Variants in MOB3C observed in about 807,000 individuals in gnomAD.
The protein encoded by MOB3C is MOB kinase activator 3C.
In MOB3C, 17 loss-of-function variants were observed where a neutral mutation model predicts 19.8. The ratio of observed to expected loss-of-function variants is 0.86; its 90% CI spans 0.59 to 1.29. The LOEUF is 1.29. Among genes scored for constraint, MOB3C ranks in the 50% most tolerant of loss-of-function variants. The probability of loss-of-function intolerance (pLI) is 0.00; values close to 1 mark genes in which losing one functional copy is unlikely to be tolerated. For synonymous variants in MOB3C, 101 were observed against 119.2 expected, an observed-to-expected ratio of 0.85 and a Z score of 0.99; for missense variants, 291 against 301.9, an observed-to-expected ratio of 0.96 and a Z score of 0.27.
rs766409369 is a variant in MOB3C at position 46,613,039 on chromosome 1, G to T, written c.283C>A (p.Arg95Ser). The change falls in exon 2 of 4, where the codon CGC becomes AGC. Residue 95 changes from arginine (R) to serine (S), a missense_variant. Transcript: ENST00000319928. ...TCGTCCTGCCAGCGGTACTCGTAGC[G>T]GGGCCCGCCGGCCATGACCGGGCAG... ...TSCPVMAGGPRYEYRWQDERQ... is the reference protein window; with the variant it reads ...TSCPVMAGGPSYEYRWQDERQ... 6.8e-6 allele frequency: 11 copies of T among 1,613,916 alleles called. No homozygotes were observed. Among genetic ancestry groups the T allele is most frequent in the African/African-American group, 4.0e-5 (3 of 74,956 alleles).
Position 46,610,145 on chromosome 1 carries a change from G to C in MOB3C, c.478C>G (p.Arg160Gly). The C allele has an allele frequency of 6.2e-7, 1 of 1,614,154 alleles. No homozygotes were observed. The highest frequency in any genetic ancestry group is 8.5e-7 in the Non-Finnish European group (1 of 1,180,034). Residue 160 changes from arginine to glycine, a missense_variant, in exon 3 of 4, where the codon CGA (arginine) becomes GGA (glycine). Transcript: ENST00000319928. Reference protein sequence around the residue: ...VCTKILTRLFRVFVHVYIHHF... With the variant: ...VCTKILTRLFGVFVHVYIHHF... ...TGGATGTAGACATGGACAAAGACTC[G>C]GAAGAGGCGGGTCAGGATCTTGGTG...
rs745644252 is a variant in MOB3C, at chr1:46,613,278, A to G, written c.44T>C (p.Phe15Ser). ...CGGCTCAAAGCGCTTCCGCGGCCGG[A>G]ACGTCTTGTCCTTGGCGAACACCTG... is the stretch of plus-strand genomic sequence containing the variant. The part of the protein sequence containing the change: ...LKQVFAKDKT[F>S]RPRKRFEPGT... Residue 15 changes from phenylalanine to serine, a missense_variant, in exon 2 of 4, where the codon TTC becomes TCC. By Grantham distance (155) the Phe-to-Ser change is radical. Transcript: ENST00000319928. 5.0e-6 allele frequency: 8 copies of G among 1,611,568 alleles called. No individual in the cohort carries two copies. In the South Asian group the frequency reaches 8.8e-5, roughly 18 times the overall value.
rs771605084 is a variant in MOB3C at position 46,613,087 on chromosome 1, C to G, written c.235G>C (p.Ala79Pro). 13 of 1,614,104 alleles carry G rather than the reference C, an allele frequency of 8.1e-6. No homozygotes were observed. Among genetic ancestry groups the G allele is most frequent in the Non-Finnish European group, 5.9e-6 (7 of 1,180,038 alleles). Residue 79 changes from alanine to proline, a missense_variant, in exon 2 of 4, where the codon GCG becomes CCG. Transcript: ENST00000319928. ...CAGCTGGTCTCACTGCAGCGCTCCGCCATAGTGCCGTAGATGAGGTTGATG... is the reference window on the plus strand; with the variant it reads ...CAGCTGGTCTCACTGCAGCGCTCCGGCATAGTGCCGTAGATGAGGTTGATG... ...NRINLIYGTM[A>P]ERCSETSCPV...
intron 1 of MOB3C, chr1:46,614,531 A>C (rs549335196): frequency 5.8e-6 from 1 of 172,686 alleles, no homozygotes; most frequent in African/African-American, 2.4e-5. Flanking sequence ...CTGCCCCTAG[A>C]CTGAGCACTA....
Position 46,611,464 on chromosome 1 carries a change from G to T in MOB3C, c.419-1260C>A, listed in dbSNP as rs887652703. On this transcript the variant is annotated intron_variant, in intron 2 of 3. Transcript: ENST00000319928. The surrounding 1 kb of genome is among the most constrained non-coding windows in gnomAD (Gnocchi z 4.1). ...CTTGGTGGCTTATGCCCTCTTCTCT[G>T]TGTGGCAGTCACCCAGGGTTTTAGG... is the stretch of plus-strand genomic sequence containing the variant. Among the ~76,000 whole-genome samples the T allele has an allele frequency of 1.3e-4, 20 of 152,222 alleles. No individual in the cohort carries two copies. Among genetic ancestry groups the T allele is most frequent in the Admixed American group, 3.3e-4 (5 of 15,286 alleles).
chr1:46,612,638 C>G (rs1414962882), intron 2 of MOB3C, among the ~76,000 whole-genome samples: 1 of 126,074 alleles, frequency 7.9e-6, no homozygotes. Flanking sequence ...GGTGAAAGAC[C>G]GAAACTCTGT....
intron 2 of MOB3C, 76 bp downstream of exon 2, chr1:46,612,828 G>C: frequency 7.2e-7 from 1 of 1,398,302 alleles, no homozygotes; most frequent in South Asian, 1.4e-5. Flanking sequence ...CAACCCTGCA[G>C]AGTGTCTATA....
At chr1:46,612,241 A>T (rs2148803447) in intron 2 of MOB3C, among the ~76,000 whole-genome samples, 1 of 152,246 alleles carries the variant, frequency 6.6e-6, no homozygotes. Flanking sequence ...ACCAGGGCCC[A>T]CCCAACCACC....
rs1458321367 is a variant in MOB3C at position 46,610,141 on chromosome 1, A to G, written c.482T>C (p.Val161Ala). Reference protein sequence around the residue: ...CTKILTRLFRVFVHVYIHHFD... With the variant: ...CTKILTRLFRAFVHVYIHHFD... ...GTGGTGGATGTAGACATGGACAAAGACTCGGAAGAGGCGGGTCAGGATCTT... is the reference window on the plus strand; with the variant it reads ...GTGGTGGATGTAGACATGGACAAAGGCTCGGAAGAGGCGGGTCAGGATCTT... Residue 161 changes from valine to alanine, a missense_variant, in exon 3 of 4, where the codon GTC becomes GCC. Val to Ala is a moderately conservative substitution (Grantham distance 64). Coordinates refer to ENST00000319928, the MANE Select transcript of MOB3C (RefSeq NM_201403.3). 1.2e-6 allele frequency: 2 copies of G among 1,613,898 alleles called. No homozygotes were observed. Among genetic ancestry groups the G allele is most frequent in the African/African-American group, 1.3e-5 (1 of 74,844 alleles).
chr1:46,612,847 A>G, intron 2 of MOB3C, 57 bp downstream of exon 2: 1 of 1,484,456 alleles, frequency 6.7e-7, no homozygotes, highest in Non-Finnish European at 9.0e-7. Context: ...TATCAAACTA[A>G]ATCCTCATCT....
chr1:46,613,643 C>G (rs1444771865), intron 1 of MOB3C: 1 of 486,576 alleles, frequency 2.1e-6, no homozygotes, highest in African/African-American at 1.9e-5. Flanking sequence ...TAAACAGGTG[C>G]CCCTCAGACT....
chr1:46,609,656 C>A lies in MOB3C; in HGVS notation c.650G>T (p.Ter217LeuextTer14), dbSNP rs977032461. The A allele has an allele frequency of 3.7e-5, 59 of 1,614,060 alleles. No individual in the cohort carries two copies. Among genetic ancestry groups the A allele is most frequent in the Non-Finnish European group, 4.7e-5 (55 of 1,180,046 alleles). ...LREMTERICH[*>L] The stretch of plus-strand genomic sequence containing the variant: ...GGCCAAAAAAGTCCAGACCTGGGCT[C>A]AGTGGCAGATCCGCTCTGTCATCTC... Residue 217 changes from the stop codon to leucine, a stop_lost, in exon 4 of 4, where the codon TGA becomes TTA. Transcript: ENST00000319928.
At chr1:46,609,903 AT>A in intron 3 of MOB3C, 98 bp downstream of exon 3, 1 of 1,397,892 alleles carries the variant, frequency 7.2e-7, no homozygotes, top group Non-Finnish European at 1.0e-6. Context: ...CCCCTAATTC[AT>A]CTACTTGGGC....
In MOB3C at chr1:46,611,845, G is replaced by A. The variant is rs1675473652; in HGVS notation, c.418+1059C>T. 1.3e-5 allele frequency among the ~76,000 whole-genome samples: 2 copies of A among 152,204 alleles called. No homozygotes were observed. Among genetic ancestry groups the A allele is most frequent in the Non-Finnish European group, 2.9e-5 (2 of 68,044 alleles). On this transcript the variant is annotated intron_variant, in intron 2 of 3. Coordinates refer to ENST00000319928, the MANE Select transcript of MOB3C (RefSeq NM_201403.3). This position sits in a 1 kb window ranked among gnomAD's most constrained non-coding sequence, Gnocchi z 4.1. ...CAAGAAACAGCAGGCCACTGGCTGG[G>A]GAGGAGCCGTGGGCATTGAATTGTG...
At position 46,611,800 on chromosome 1, in the gene MOB3C, C is replaced by T. The variant is rs1388025216; in HGVS notation, c.418+1104G>A. Among the ~76,000 whole-genome samples, 1 of 152,228 alleles carries T rather than the reference C, an allele frequency of 6.6e-6. No homozygotes were observed. Among genetic ancestry groups the T allele is most frequent in the Non-Finnish European group, 1.5e-5 (1 of 68,042 alleles). ...TCCTCCTATGTAAAATGAAGGTGCT[C>T]CTTGTCGGGCATGACAGTGCAAGAA... On this transcript the variant is annotated intron_variant, in intron 2 of 3. Coordinates refer to ENST00000319928, the MANE Select transcript of MOB3C (RefSeq NM_201403.3). The surrounding 1 kb of genome is among the most constrained non-coding windows in gnomAD (Gnocchi z 4.1).
Position 46,609,753 on chromosome 1 carries a change from T to C in MOB3C, c.622-69A>G, listed in dbSNP as rs371576454. On this transcript the variant is annotated intron_variant, in intron 3 of 3. Coordinates refer to ENST00000319928, the MANE Select transcript of MOB3C (RefSeq NM_201403.3). Reference sequence around the variant, plus strand: ...TACTAGGCAATCCCTTCCCAAACCATAGGGCCTAGCTGCTCTTCTGTCTGA... The same window carrying C: ...TACTAGGCAATCCCTTCCCAAACCACAGGGCCTAGCTGCTCTTCTGTCTGA... 2.3e-4 allele frequency: 373 copies of C among 1,591,842 alleles called. No individual in the cohort carries two copies. The Middle Eastern group carries it at 4.7e-3, about 20-fold the overall frequency.
chr1:46,613,492 C>CT lies in MOB3C; in HGVS notation c.-50-122dup, dbSNP rs1675510328. The stretch of plus-strand genomic sequence containing the variant: ...TTTGCTCAACCTCTGCATCCTCTGC[C>CT]TGGAATCTAAGTCCTCAGCCCCTAG... On this transcript the variant is annotated intron_variant, in intron 1 of 3. Coordinates refer to ENST00000319928, the MANE Select transcript of MOB3C (RefSeq NM_201403.3). 3 of 987,694 alleles carry CT rather than the reference C, an allele frequency of 3.0e-6. No individual in the cohort carries two copies. In the Middle Eastern group the frequency reaches 9.2e-4, roughly 304 times the overall value. The allele number at this position is 987,694 out of a possible 1,614,324, so 61.2% of individuals were successfully genotyped here. A position where few individuals can be genotyped will look rare whatever the true frequency, so the allele number is the denominator to read the frequency against.
At position 46,608,601 on chromosome 1, in the gene MOB3C, A is replaced by G. The variant is rs1675407673; in HGVS notation, c.*1054T>C. The G allele has an allele frequency of 6.6e-6, 1 of 152,670 alleles. No individual in the cohort carries two copies. The highest frequency in any genetic ancestry group is 1.5e-5 in the Non-Finnish European group (1 of 68,054). The allele number at this position is 152,670 out of a possible 1,614,324, so 9.5% of individuals were successfully genotyped here. ...CTGGAAGAGTCCATTCACCAACTAC[A>G]TCCTCAATGTGCTGGGATGGGAGAC... On this transcript the variant is annotated 3_prime_UTR_variant, in exon 4 of 4. Coordinates refer to ENST00000319928, the MANE Select transcript of MOB3C (RefSeq NM_201403.3). The surrounding 1 kb of genome is among the most constrained non-coding windows in gnomAD (Gnocchi z 4.5).
In MOB3C at chr1:46,609,680, T is replaced by C; in HGVS notation, c.626A>G (p.Glu209Gly). The change falls in exon 4 of 4, where the codon GAG (glutamate) becomes GGG (glycine). Residue 209 changes from glutamate (E) to glycine (G), a missense_variant. By Grantham distance (98) the Glu-to-Gly change is moderately conservative. Coordinates refer to ENST00000319928, the MANE Select transcript of MOB3C (RefSeq NM_201403.3). ...TCAGTGGCAGATCCGCTCTGTCATC[T>C]CCCTCTGTAGAGACACAAGGTAGGG... ...VDQRELEPLR[E>G]MTERICH is the part of the protein sequence containing the mutation. 6.2e-7 allele frequency: 1 copy of C among 1,614,092 alleles called. No homozygotes were observed. The highest frequency in any genetic ancestry group is 8.5e-7 in the Non-Finnish European group (1 of 1,180,004).
Sources: allele counts gnomAD v4.1 joint callset (sites outside exome capture counted in the v4.1 genomes callset), GRCh38; gene constraint gnomAD v4.1.1; non-coding constraint Gnocchi (gnomAD v3.1); transcripts MANE v1.5; gene names NCBI Gene and HGNC (gene_info 2026-07-23, HGNC 2026-07-21).